The following TSPAN9 variants were observed in gnomAD, a reference collection of about 807,000 sequenced individuals.
TSPAN9 encodes tetraspanin 9.
Under a neutral mutation model 31.0 loss-of-function variants are expected in TSPAN9, and 16 were observed. That is an observed-to-expected ratio of 0.52 (90% CI 0.35 to 0.78). The LOEUF (loss-of-function observed/expected upper bound fraction) is 0.78, where lower values mean the gene tolerates loss of function less well. Among genes scored for constraint, TSPAN9 ranks in the 30% least tolerant of loss-of-function variants. TSPAN9 has a pLI of 0.01. For missense variants in TSPAN9, 272 were observed against 312.5 expected (o/e 0.87, Z 0.98); for synonymous variants, 145 against 121.6 (o/e 1.19, Z -1.27).
chr12:3,214,826 C>T (rs187031680), intron 3 of TSPAN9, among the ~76,000 whole-genome samples: 79 of 152,236 alleles, frequency 5.2e-4, no homozygotes, highest in Non-Finnish European at 7.2e-4. Flanking sequence ...GCCTTAATTA[C>T]TATTGTTCCA....
At chr12:3,233,790 A>C (rs940837829) in intron 3 of TSPAN9, among the ~76,000 whole-genome samples, 9 of 152,230 alleles carry the variant, frequency 5.9e-5, no homozygotes, top group African/African-American at 2.2e-4. Flanking sequence ...ATCACGGGGC[A>C]AGGAGTTTTC....
intron 3 of TSPAN9, among the ~76,000 whole-genome samples, chr12:3,223,182 G>A (rs1427099022): frequency 1.3e-5 from 2 of 152,260 alleles, no homozygotes. Flanking sequence ...TCGATGCAGA[G>A]TAATTGCAGT....
intron 3 of TSPAN9, among the ~76,000 whole-genome samples, chr12:3,268,179 C>CCT (rs1862574783): frequency 8.2e-6 from 1 of 122,296 alleles, no homozygotes; most frequent in African/African-American, 3.1e-5. Context: ...GCCTACCCTC[C>CCT]GTGCGTTCCT....
intron 3 of TSPAN9, among the ~76,000 whole-genome samples, chr12:3,226,399 C>A (rs1017408794): frequency 6.6e-5 from 10 of 151,880 alleles, no homozygotes; most frequent in African/African-American, 2.4e-4. Context: ...ATCCAAGAAG[C>A]CTTAGGAGGG....
At chr12:3,266,174 ACT>A (rs1322246212) in intron 3 of TSPAN9, among the ~76,000 whole-genome samples, 1 of 151,970 alleles carries the variant, frequency 6.6e-6, no homozygotes, top group African/African-American at 2.4e-5. Flanking sequence ...TCTGGGTGAC[ACT>A]CTTTCTGGCT....
intron 2 of TSPAN9, among the ~76,000 whole-genome samples, chr12:3,090,152 T>C (rs1469963270): frequency 6.6e-6 from 1 of 152,242 alleles, no homozygotes; most frequent in Non-Finnish European, 1.5e-5. Context: ...TGAATTCAAC[T>C]TACTGTTTTG....
intron 3 of TSPAN9, among the ~76,000 whole-genome samples, chr12:3,270,724 T>C (rs1862661793): frequency 6.6e-6 from 1 of 152,226 alleles, no homozygotes; most frequent in Non-Finnish European, 1.5e-5. Flanking sequence ...CTGACACCCC[T>C]GGAGGGGGGT....
chr12:3,099,588 G>A (rs549161016), intron 2 of TSPAN9, among the ~76,000 whole-genome samples: 1 of 152,106 alleles, frequency 6.6e-6, no homozygotes, highest in South Asian at 2.1e-4. Flanking sequence ...TTTTTAATTG[G>A]ATGCCAGATC....
At position 3,284,783 on chromosome 12, in the gene TSPAN9, T is replaced by G. The variant is rs1162404766; in HGVS notation, c.*1667T>G. On this transcript the variant is annotated 3_prime_UTR_variant, in exon 9 of 9. Transcript: ENST00000011898. ...ATCAGGTGGGGCCTTGGTGGGCGGC[T>G]GCCTTTCCTATACAGTTTGTCTTGT... The G allele has an allele frequency of 6.6e-6, 1 of 152,218 alleles. No homozygotes were observed. Among genetic ancestry groups the G allele is most frequent in the African/African-American group, 2.4e-5 (1 of 41,442 alleles). The allele number at this position is 152,218 out of a possible 1,614,324, so 9.4% of individuals were successfully genotyped here.
At chr12:3,156,028 C>G (rs1182117091) in intron 2 of TSPAN9, among the ~76,000 whole-genome samples, 1 of 152,174 alleles carries the variant, frequency 6.6e-6, no homozygotes, top group Non-Finnish European at 1.5e-5. Flanking sequence ...AGTAAACACC[C>G]AGTGTTATTT....
At chr12:3,103,611 G>C (rs966246403) in intron 2 of TSPAN9, among the ~76,000 whole-genome samples, 1 of 147,390 alleles carries the variant, frequency 6.8e-6, no homozygotes, top group South Asian at 2.1e-4. Context: ...TGCCATGCAC[G>C]AACATGTATT....
chr12:3,148,539 G>A (rs2098338332), intron 2 of TSPAN9, among the ~76,000 whole-genome samples: 2 of 152,196 alleles, frequency 1.3e-5, no homozygotes, highest in South Asian at 4.1e-4. Flanking sequence ...ACGTGGGCAG[G>A]GAGCGTGGCC....
intron 2 of TSPAN9, among the ~76,000 whole-genome samples, chr12:3,101,626 G>A (rs1292251289): frequency 1.3e-4 from 20 of 152,112 alleles, no homozygotes; most frequent in African/African-American, 2.4e-5. Context: ...GATTCTTCTC[G>A]GGCCTCACGG....
At chr12:3,090,963 C>T (rs185805346) in intron 2 of TSPAN9, among the ~76,000 whole-genome samples, 36 of 152,340 alleles carry the variant, frequency 2.4e-4, no homozygotes, top group African/African-American at 5.3e-4. Flanking sequence ...TGTGTGTGCA[C>T]GCGGCTAGCG....
At chr12:3,193,629 C>T (rs1184394309) in intron 2 of TSPAN9, among the ~76,000 whole-genome samples, 3 of 152,160 alleles carry the variant, frequency 2.0e-5, no homozygotes, top group Admixed American at 6.5e-5. Flanking sequence ...AGAGGTGACA[C>T]GCAACACTAG....
intron 3 of TSPAN9, among the ~76,000 whole-genome samples, chr12:3,269,642 C>T (rs1208974708): frequency 6.6e-6 from 1 of 152,260 alleles, no homozygotes; most frequent in East Asian, 1.9e-4. Flanking sequence ...TGCCCTCTTG[C>T]TCACTTGATC....
rs887365 is a variant in TSPAN9, at chr12:3,200,829, C to G, written c.-17-348C>G. 5.8e-3 allele frequency: 1,320 copies of G among 226,898 alleles called. 11 individuals are homozygous for G. The highest frequency in any genetic ancestry group is 0.029 in the African/African-American group (1,248 of 42,490). 14.1% of individuals were successfully genotyped at this position (226,898 alleles called of 1,614,324 possible). ...GGGGCGTGCAAGGCTCCGCCGGCCC[C>G]CCCGCAGCCCGCGCCCGACTTGGGC... On this transcript the variant is annotated intron_variant, in intron 2 of 8. Transcript: ENST00000011898.
intron 3 of TSPAN9, among the ~76,000 whole-genome samples, chr12:3,218,205 G>C (rs1346800956): frequency 1.3e-5 from 2 of 152,174 alleles, no homozygotes; most frequent in Non-Finnish European, 2.9e-5. Flanking sequence ...CTCTTCAGCA[G>C]AATGAGGTGT....
At position 3,285,709 on chromosome 12, in the gene TSPAN9, C is replaced by G. The variant is rs1229715287; in HGVS notation, c.*2593C>G. The G allele has an allele frequency of 1.3e-5, 2 of 152,236 alleles. No homozygotes were observed. Among genetic ancestry groups the G allele is most frequent in the Admixed American group, 1.3e-4 (2 of 15,280 alleles). 9.4% of individuals were successfully genotyped at this position (152,236 alleles called of 1,614,324 possible). On this transcript the variant is annotated 3_prime_UTR_variant, in exon 9 of 9. Coordinates refer to ENST00000011898, the MANE Select transcript of TSPAN9 (RefSeq NM_006675.5). ...ATTCCCCTGAGAGAATTCCCTCACTCACGGCTCCCTTTGCCAGAGTCAGTT... is the reference window on the plus strand; with the variant it reads ...ATTCCCCTGAGAGAATTCCCTCACTGACGGCTCCCTTTGCCAGAGTCAGTT...
Sources: allele counts gnomAD v4.1 joint callset (sites outside exome capture counted in the v4.1 genomes callset), GRCh38; gene constraint gnomAD v4.1.1; transcripts MANE v1.5; gene names NCBI Gene and HGNC (gene_info 2026-07-23, HGNC 2026-07-21).